Variants in TRIM15 observed in about 807,000 individuals in gnomAD.
TRIM15 encodes the protein tripartite motif containing 15, also known as E3 ubiquitin-protein ligase TRIM15.
Under a neutral mutation model 35.8 loss-of-function variants are expected in TRIM15, and 35 were observed. The ratio of observed to expected loss-of-function variants is 0.98; its 90% CI spans 0.75 to 1.30. The LOEUF is 1.30. TRIM15 is among the 50% of genes most tolerant of loss of function. The pLI, the probability that TRIM15 is intolerant of heterozygous loss-of-function variation, is 0.00. For missense variants in TRIM15, 590 were observed against 593.5 expected, an observed-to-expected ratio of 0.99 and a Z score of 0.06; for synonymous variants, 252 against 249.8, an observed-to-expected ratio of 1.01 and a Z score of -0.08.
At chr6:30,167,940 C>G (rs1226156646) in intron 2 of TRIM15, among the ~76,000 whole-genome samples, 2 of 152,190 alleles carry the variant, frequency 1.3e-5, no homozygotes, top group African/African-American at 4.8e-5. Context: ...TGTGTTGACT[C>G]CAATCACAAC....
Position 30,172,327 on chromosome 6 carries a change from C to T in TRIM15, c.1376C>T (p.Ser459Phe). The T allele has an allele frequency of 6.2e-7, 1 of 1,610,322 alleles. No homozygotes were observed. Among genetic ancestry groups the T allele is most frequent in the South Asian group, 1.1e-5 (1 of 90,798 alleles). Reference protein sequence around the residue: ...FPFFAVWKKGSCLTLKG With the variant: ...FPFFAVWKKGFCLTLKG ...TTCTTTGCCGTCTGGAAAAAAGGTT[C>T]CTGCCTTACGCTGAAAGGCTGAAGT... The change falls in exon 7 of 7, where the codon TCC (serine) becomes TTC (phenylalanine). Residue 459 changes from serine to phenylalanine, a missense_variant. Coordinates refer to ENST00000376694, the MANE Select transcript of TRIM15 (RefSeq NM_033229.3).
intron 3 of TRIM15, 83 bp from the exon 4 acceptor site, chr6:30,169,158 T>G: frequency 6.5e-7 from 1 of 1,545,182 alleles, no homozygotes; most frequent in Non-Finnish European, 8.9e-7. Flanking sequence ...TGAGTTCATA[T>G]TTTAAGGGAA....
At chr6:30,170,780 C>T (rs919783011) in intron 5 of TRIM15, among the ~76,000 whole-genome samples, 164 bp downstream of exon 5, 1 of 152,160 alleles carries the variant, frequency 6.6e-6, no homozygotes, top group African/African-American at 2.4e-5. Context: ...ATTCCCAGAG[C>T]ATCTCCTCCA....
At position 30,169,252 on chromosome 6, in the gene TRIM15, C is replaced by T; in HGVS notation, c.720C>T (p.Val240=). ...TCTTTCTTTTGCAGGATGTCAGAGT[C>T]AACCAGAGCAGGTAGGGCCCACTCC... ...PASELLQDVR[V]NQSRCEMKTF... Residue 240 remains valine (V), a synonymous_variant, in exon 4 of 7, where the codon GTC becomes GTT. Transcript: ENST00000376694. 1 of 1,613,154 alleles carries T rather than the reference C, an allele frequency of 6.2e-7. No individual in the cohort carries two copies.
chr6:30,171,072 A>C lies in TRIM15; in HGVS notation c.880+64A>C, dbSNP rs1773983899. ...ATCCATTCAATCCATGGCAGCAAAC[A>C]GAGCAATAAAATGCATGAATTCTGG... On this transcript the variant is annotated intron_variant, in intron 6 of 6. Transcript: ENST00000376694. 9 of 1,549,842 alleles carry C rather than the reference A, an allele frequency of 5.8e-6. No homozygotes were observed. The South Asian group carries it at 9.5e-5, about 16-fold the overall frequency.
chr6:30,171,426 C>T (rs953778459), intron 6 of TRIM15, among the ~76,000 whole-genome samples: 29 of 152,262 alleles, frequency 1.9e-4, no homozygotes, highest in African/African-American at 6.7e-4. Context: ...TTTTAAAAAT[C>T]ACATTTATTT....
intron 1 of TRIM15, among the ~76,000 whole-genome samples, chr6:30,166,486 A>G (rs1773606634): frequency 6.6e-6 from 1 of 152,138 alleles, no homozygotes; most frequent in Non-Finnish European, 1.5e-5. Flanking sequence ...TACCAGACAT[A>G]TTTGATATCA....
rs897531826 is a variant in TRIM15 at position 30,172,623 on chromosome 6, A to G, written c.*274A>G. On this transcript the variant is annotated 3_prime_UTR_variant, in exon 7 of 7. Coordinates refer to ENST00000376694, the MANE Select transcript of TRIM15 (RefSeq NM_033229.3). ...CTGTGCCTAGGGCAACAGCCAACCT[A>G]GGAGCCAGCGGGCTTTCGGGGAAAA... is the stretch of plus-strand genomic sequence containing the variant. 3.0e-6 allele frequency: 2 copies of G among 675,386 alleles called. No homozygotes were observed. The allele number at this position is 675,386 out of a possible 1,614,324, so 41.8% of individuals were successfully genotyped here.
chr6:30,170,268 G>A, intron 4 of TRIM15: 1 of 512,984 alleles, frequency 1.9e-6, no homozygotes, highest in East Asian at 3.2e-5. Flanking sequence ...TCCTAAAGGG[G>A]CTTACCTCCA....
intron 2 of TRIM15, 116 bp from the exon 3 acceptor site, chr6:30,168,184 G>A (rs1773744256): frequency 1.2e-6 from 1 of 832,824 alleles, no homozygotes; most frequent in Non-Finnish European, 1.8e-6. Flanking sequence ...TAAATGGAAT[G>A]AGTCTTGGAC....
intron 4 of TRIM15, 81 bp downstream of exon 4, chr6:30,169,344 C>T: frequency 6.5e-7 from 1 of 1,547,074 alleles, no homozygotes; most frequent in Non-Finnish European, 8.9e-7. Context: ...TTACTGCCAC[C>T]CACTTTGCCA....
In TRIM15 at chr6:30,172,550, C is replaced by T. The variant is rs1774118168; in HGVS notation, c.*201C>T. On this transcript the variant is annotated 3_prime_UTR_variant, in exon 7 of 7. Coordinates refer to ENST00000376694, the MANE Select transcript of TRIM15 (RefSeq NM_033229.3). Reference sequence around the variant, plus strand: ...TGACGTCCTGAGCCTCCCTGTGACGCTCTGGCCTTCTCTGTACCTCAGAGT... The same window carrying T: ...TGACGTCCTGAGCCTCCCTGTGACGTTCTGGCCTTCTCTGTACCTCAGAGT... The T allele has an allele frequency of 1.2e-6, 1 of 807,180 alleles. No homozygotes were observed. The allele number at this position is 807,180 out of a possible 1,614,324, so 50.0% of individuals were successfully genotyped here.
Position 30,164,033 on chromosome 6 carries a change from G to C in TRIM15, c.349G>C (p.Gly117Arg). 2 of 1,612,966 alleles carry C rather than the reference G, an allele frequency of 1.2e-6. No homozygotes were observed. Among genetic ancestry groups the C allele is most frequent in the Non-Finnish European group, 1.7e-6 (2 of 1,179,922 alleles). ...EGPTHQAHTV[G>R]FLDEAIQPYR... Reference sequence around the variant, plus strand: ...TCCCACGCACCAGGCGCACACCGTGGGGTTCCTGGACGAGGCCATTCAGCC... The same window carrying C: ...TCCCACGCACCAGGCGCACACCGTGCGGTTCCTGGACGAGGCCATTCAGCC... The change falls in exon 1 of 7, where the codon GGG becomes CGG. Residue 117 changes from glycine (G) to arginine (R), a missense_variant. Coordinates refer to ENST00000376694, the MANE Select transcript of TRIM15 (RefSeq NM_033229.3).
Position 30,168,315 on chromosome 6 carries a change from A to C in TRIM15, c.493A>C (p.Lys165Gln). The C allele has an allele frequency of 6.2e-7, 1 of 1,612,862 alleles. No homozygotes were observed. The highest frequency in any genetic ancestry group is 8.5e-7 in the Non-Finnish European group (1 of 1,179,862). Residue 165 changes from lysine to glutamine, a missense_variant, in exon 3 of 7, where the codon AAG (lysine) becomes CAG (glutamine). Coordinates refer to ENST00000376694, the MANE Select transcript of TRIM15 (RefSeq NM_033229.3). ...LQVLLTQIES[K>Q]KHQVETAFER... ...TCCCTTGAAGACTCAGATCGAAAGCAAGAAGCATCAGGTGGAAACAGCTTT... is the reference window on the plus strand; with the variant it reads ...TCCCTTGAAGACTCAGATCGAAAGCCAGAAGCATCAGGTGGAAACAGCTTT...
Position 30,166,102 on chromosome 6 carries a change from A to G in TRIM15, c.382-1074A>G, listed in dbSNP as rs548772063. On this transcript the variant is annotated intron_variant, in intron 1 of 6. Coordinates refer to ENST00000376694, the MANE Select transcript of TRIM15 (RefSeq NM_033229.3). Reference sequence around the variant, plus strand: ...TCTTTTGCTGTGCAGAAGCTCTTTCATTTAATTAGATACCATTTGTCAATT... The same window carrying G: ...TCTTTTGCTGTGCAGAAGCTCTTTCGTTTAATTAGATACCATTTGTCAATT... Among the ~76,000 whole-genome samples, 613 of 152,132 alleles carry G rather than the reference A, an allele frequency of 4.0e-3. 2 individuals carry two copies. Among genetic ancestry groups the G allele is most frequent in the African/African-American group, 0.01 (429 of 41,456 alleles).
chr6:30,172,009 T>G lies in TRIM15; in HGVS notation c.1058T>G (p.Val353Gly). 2 of 1,577,334 alleles carry G rather than the reference T, an allele frequency of 1.3e-6. No individual in the cohort carries two copies. Among genetic ancestry groups the G allele is most frequent in the Non-Finnish European group, 1.7e-6 (2 of 1,161,046 alleles). The change falls in exon 7 of 7, where the codon GTT becomes GGT. Residue 353 changes from valine to glycine, a missense_variant. By Grantham distance (109) the Val-to-Gly change is moderately radical. Coordinates refer to ENST00000376694, the MANE Select transcript of TRIM15 (RefSeq NM_033229.3). Reference sequence around the variant, plus strand: ...TCCTCCGGGCGCCACCGCTGGCAGGTTGACCTGCAGCTGGGCGACGGCGGC... The same window carrying G: ...TCCTCCGGGCGCCACCGCTGGCAGGGTGACCTGCAGCTGGGCGACGGCGGC... ...GFSSGRHRWQ[V>G]DLQLGDGGGC...
Position 30,163,690 on chromosome 6 carries a change from C to A in TRIM15, c.6C>A (p.Pro2=). 1.2e-6 allele frequency: 2 copies of A among 1,604,796 alleles called. No homozygotes were observed. The highest frequency in any genetic ancestry group is 1.7e-6 in the Non-Finnish European group (2 of 1,175,244). Residue 2 remains proline, a synonymous_variant, in exon 1 of 7, where the codon CCC becomes CCA. Transcript: ENST00000376694. M[P]ATPSLKVVHE... ...GGGCTGGGGAAGGCACCGTGATGCCCGCAACCCCGTCCCTGAAGGTGGTCC... is the reference window on the plus strand; with the variant it reads ...GGGCTGGGGAAGGCACCGTGATGCCAGCAACCCCGTCCCTGAAGGTGGTCC...
At chr6:30,164,171 A>G in intron 1 of TRIM15, 106 bp downstream of exon 1, 1 of 1,468,740 alleles carries the variant, frequency 6.8e-7, no homozygotes, top group East Asian at 2.3e-5. Context: ...CACATCAGGG[A>G]ACCCTAAGGT....
chr6:30,169,526 T>C (rs1773865302), intron 4 of TRIM15: 2 of 693,560 alleles, frequency 2.9e-6, no homozygotes, highest in Admixed American at 2.0e-5. Context: ...TGTTTTTAGG[T>C]TGATCCAGGA....
Sources: allele counts gnomAD v4.1 joint callset (sites outside exome capture counted in the v4.1 genomes callset), GRCh38; gene constraint gnomAD v4.1.1; transcripts MANE v1.5; gene names NCBI Gene and HGNC (gene_info 2026-07-23, HGNC 2026-07-21).